Variants in AGR2 observed in about 807,000 individuals in gnomAD.
AGR2 encodes anterior gradient 2, protein disulphide isomerase family member, also known as anterior gradient protein 2 homolog.
Under a neutral mutation model 25.9 loss-of-function variants are expected in AGR2, and 27 were observed. The ratio of observed to expected loss-of-function variants is 1.04; its 90% CI spans 0.77 to 1.44. AGR2 has a LOEUF of 1.44. Ranked by LOEUF, AGR2 falls within the 40% of genes most tolerant of loss-of-function variation. AGR2 has a pLI of 0.00. For missense variants in AGR2, 182 were observed against 200.9 expected, an observed-to-expected ratio of 0.91 and a Z score of 0.57; for synonymous variants, 78 against 72.0, an observed-to-expected ratio of 1.08 and a Z score of -0.42.
intron 4 of AGR2, 47 bp downstream of exon 4, chr7:16,801,103 TA>T: frequency 6.6e-7 from 1 of 1,521,920 alleles, no homozygotes; most frequent in Non-Finnish European, 9.1e-7. Flanking sequence ...ACCCTGGCCC[TA>T]AGGCTAAAAG....
chr7:16,798,352 A>G (rs1057127121), intron 5 of AGR2, among the ~76,000 whole-genome samples: 2 of 152,298 alleles, frequency 1.3e-5, no homozygotes, highest in East Asian at 1.9e-4. Flanking sequence ...TGCAGGGGGA[A>G]GAGTATGGAG....
At chr7:16,795,322 T>TG (rs1252614234) in intron 6 of AGR2, among the ~76,000 whole-genome samples, 1 of 151,934 alleles carries the variant, frequency 6.6e-6, no homozygotes, top group East Asian at 1.9e-4. Flanking sequence ...CATGGTGTTT[T>TG]TTTTTTTTTT....
chr7:16,797,767 A>T (rs547340227), intron 5 of AGR2, 73 bp from the exon 6 acceptor site: 2 of 1,292,312 alleles, frequency 1.5e-6, no homozygotes, highest in South Asian at 2.6e-5. Context: ...TAATACAAGA[A>T]TCTGTCCATT....
In AGR2 at chr7:16,792,851, C is replaced by T. The variant is rs1051869; in HGVS notation, c.*57G>A. ...CACACTAGCCAGTCTTCTCACACTT[C>T]TTCTGGTTTCAAGTCTCAAGGCCTG... is the stretch of plus-strand genomic sequence containing the variant. On this transcript the variant is annotated 3_prime_UTR_variant, in exon 8 of 8. Transcript: ENST00000419304. 6.8e-7 allele frequency: 1 copy of T among 1,468,362 alleles called. No individual in the cohort carries two copies. The highest frequency in any genetic ancestry group is 9.5e-7 in the Non-Finnish European group (1 of 1,047,692). The allele number at this position is 1,468,362 out of a possible 1,614,324, so 91.0% of individuals were successfully genotyped here. A position where few individuals can be genotyped will look rare whatever the true frequency, so the allele number is the denominator to read the frequency against.
chr7:16,796,022 C>T (rs756963552), intron 6 of AGR2, among the ~76,000 whole-genome samples: 7 of 152,176 alleles, frequency 4.6e-5, no homozygotes, highest in Non-Finnish European at 8.8e-5. Flanking sequence ...TTTTTAAATA[C>T]CCAACTAGCA....
At position 16,801,399 on chromosome 7, in the gene AGR2, T is replaced by A; in HGVS notation, c.140-16A>T. 6.2e-7 allele frequency: 1 copy of A among 1,609,146 alleles called. No individual in the cohort carries two copies. The highest frequency in any genetic ancestry group is 8.5e-7 in the Non-Finnish European group (1 of 1,176,116). On this transcript the variant is annotated splice_polypyrimidine_tract_variant and intron_variant, in intron 2 of 7. Coordinates refer to ENST00000419304, the MANE Select transcript of AGR2 (RefSeq NM_006408.4). The stretch of plus-strand genomic sequence containing the variant: ...TCACCCCAACCTAGAATGAAATGAA[T>A]CAGTATATTTGAAGCTTGTATAAAT...
intron 5 of AGR2, among the ~76,000 whole-genome samples, chr7:16,798,568 C>T (rs1033379245): frequency 3.9e-5 from 6 of 152,098 alleles, no homozygotes; most frequent in Admixed American, 3.3e-4. Flanking sequence ...CACTGTGACC[C>T]CAGTTTGGTC....
intron 6 of AGR2, among the ~76,000 whole-genome samples, chr7:16,795,423 C>A (rs1034442377): frequency 2.0e-5 from 3 of 150,212 alleles, no homozygotes; most frequent in African/African-American, 7.4e-5. Flanking sequence ...TCATTGGAAA[C>A]CCACATCCAA....
chr7:16,798,253 T>C (rs1272734777), intron 5 of AGR2, among the ~76,000 whole-genome samples: 1 of 152,198 alleles, frequency 6.6e-6, no homozygotes, highest in Non-Finnish European at 1.5e-5. Context: ...GAATGCAGAT[T>C]CCACCCCGAC....
intron 1 of AGR2, chr7:16,803,265 T>C (rs1436309012): frequency 1.3e-5 from 2 of 152,072 alleles, no homozygotes; most frequent in African/African-American, 2.4e-5. Context: ...GGGAGCAAAG[T>C]GAGTTGCTCT....
At position 16,801,701 on chromosome 7, in the gene AGR2, G is replaced by T; in HGVS notation, c.96C>A (p.Asp32Glu). 2 of 1,613,828 alleles carry T rather than the reference G, an allele frequency of 1.2e-6. No individual in the cohort carries two copies. Among genetic ancestry groups the T allele is most frequent in the Non-Finnish European group, 1.7e-6 (2 of 1,179,984 alleles). The change falls in exon 2 of 8, where the codon GAC (aspartate) becomes GAA (glutamate). Residue 32 changes from aspartate to glutamate, a missense_variant. Physicochemically the swap from Asp to Glu is conservative, Grantham distance 45 (BLOSUM62 2). Coordinates refer to ENST00000419304, the MANE Select transcript of AGR2 (RefSeq NM_006408.4). ...DTTVKPGAKK[D>E]TKDSRPKLPQ... ...GCAGTTTGGGTCGAGAGTCCTTTGT[G>T]TCCTTTTTGGCTCCAGGTTTGACTG...
rs1483660993 is a variant in AGR2, at chr7:16,799,743, C to A, written c.330+1G>T. The A allele has an allele frequency of 1.2e-6, 2 of 1,609,710 alleles. No homozygotes were observed. Among genetic ancestry groups the A allele is most frequent in the South Asian group, 1.1e-5 (1 of 90,534 alleles). ...TTAGTAATGATGAAAAGGAAACTTA[C>A]AACCAGATTGAGGAGGACAAACTGC... On this transcript the variant is annotated splice_donor_variant, in intron 5 of 7. Coordinates refer to ENST00000419304, the MANE Select transcript of AGR2 (RefSeq NM_006408.4). LOFTEE classifies it high-confidence loss of function.
intron 7 of AGR2, 117 bp from the exon 8 acceptor site, chr7:16,793,074 A>G: frequency 1.1e-6 from 1 of 934,620 alleles, no homozygotes; most frequent in Non-Finnish European, 1.7e-6. Context: ...TTTTTGAGAC[A>G]AGGTCTCACT....
At chr7:16,801,435 A>AG (rs769479708) in intron 2 of AGR2, 52 bp from the exon 3 acceptor site, 1 of 1,552,920 alleles carries the variant, frequency 6.4e-7, no homozygotes, top group East Asian at 2.3e-5. Context: ...TCAGACCCAA[A>AG]GCTGTTGAAA....
rs1313155244 is a variant in AGR2 at position 16,792,661 on chromosome 7, C to G, written c.*247G>C. On this transcript the variant is annotated 3_prime_UTR_variant, in exon 8 of 8. Coordinates refer to ENST00000419304, the MANE Select transcript of AGR2 (RefSeq NM_006408.4). Reference sequence around the variant, plus strand: ...CAAGTTGGAGAAAACAGAACACCCCCAAAACATTTATTTTTTTTTTTAGAA... The same window carrying G: ...CAAGTTGGAGAAAACAGAACACCCCGAAAACATTTATTTTTTTTTTTAGAA... 6 of 463,856 alleles carry G rather than the reference C, an allele frequency of 1.3e-5. No individual in the cohort carries two copies. The highest frequency in any genetic ancestry group is 3.7e-5 in the Admixed American group (1 of 27,082). The allele number at this position is 463,856 out of a possible 1,614,324, so 28.7% of individuals were successfully genotyped here.
intron 1 of AGR2, chr7:16,803,281 G>A (rs1360215504): frequency 1.3e-5 from 2 of 152,192 alleles, no homozygotes; most frequent in East Asian, 3.9e-4. Context: ...GCTCTAGCAA[G>A]TCACTAAGGT....
intron 6 of AGR2, among the ~76,000 whole-genome samples, chr7:16,795,280 C>T (rs942478226): frequency 6.6e-6 from 1 of 150,646 alleles, no homozygotes; most frequent in Non-Finnish European, 1.5e-5. Flanking sequence ...CTATGGCAAC[C>T]TGAAAACAGA....
chr7:16,797,248 T>A (rs796335490), intron 6 of AGR2, among the ~76,000 whole-genome samples: 10 of 152,114 alleles, frequency 6.6e-5, no homozygotes, highest in African/African-American at 1.9e-4. Context: ...TTAAAAATAA[T>A]GATAAAAAAT....
At chr7:16,800,696 T>A (rs1486738535) in intron 4 of AGR2, among the ~76,000 whole-genome samples, 1 of 152,058 alleles carries the variant, frequency 6.6e-6, no homozygotes, top group Non-Finnish European at 1.5e-5. Context: ...TAGGAAGTGG[T>A]TGGATTTGGG....
Sources: gnomAD v4.1 joint callset for allele counts (sites outside exome capture counted in the v4.1 genomes callset) on GRCh38, gnomAD v4.1.1 for gene constraint, MANE v1.5 for transcripts, NCBI Gene and HGNC (gene_info 2026-07-23, HGNC 2026-07-21) for gene names.